Variants in TKFC observed in about 807,000 individuals in gnomAD.
TKFC encodes the protein triokinase/FMN cyclase.
Under a neutral mutation model 61.0 loss-of-function variants are expected in TKFC, and 46 were observed. The ratio of observed to expected loss-of-function variants is 0.75; its 90% CI spans 0.60 to 0.96. The LOEUF (loss-of-function observed/expected upper bound fraction) is 0.96. TKFC is among the 50% of genes least tolerant of loss of function. The probability of loss-of-function intolerance (pLI) is 0.00; values close to 1 mark genes in which losing one functional copy is unlikely to be tolerated. For missense variants in TKFC, 715 were observed against 777.5 expected, an observed-to-expected ratio of 0.92 and a Z score of 0.96; for synonymous variants, 314 against 330.1, an observed-to-expected ratio of 0.95 and a Z score of 0.53.
In TKFC at chr11:61,338,955, C is replaced by G. The variant is rs892146094; in HGVS notation, c.194-111C>G. On this transcript the variant is annotated intron_variant, in intron 3 of 17. Transcript: ENST00000394900. ...TGAAGACCTGGGGGATCTTTGAGCA[C>G]CAAGCACACAGTAGGGCTCACCAAA... is the stretch of plus-strand genomic sequence containing the variant. 9 of 893,510 alleles carry G rather than the reference C, an allele frequency of 1.0e-5. No homozygotes were observed. In the Admixed American group the frequency reaches 1.5e-4, roughly 15 times the overall value. The allele number at this position is 893,510 out of a possible 1,614,324, so 55.3% of individuals were successfully genotyped here. A position where few individuals can be genotyped will look rare whatever the true frequency, so the allele number is the denominator to read the frequency against.
At chr11:61,352,972 C>G, downstream of TKFC, 3 of 1,614,092 alleles carry the variant, frequency 1.9e-6, no homozygotes, top group Non-Finnish European at 1.7e-6. Context: ...GTTGGGGACC[C>G]CACTGCACTC....
downstream of TKFC, chr11:61,349,887 G>A (rs544280972): frequency 1.1e-4 from 57 of 536,882 alleles, no homozygotes; most frequent in South Asian, 1.1e-3. Flanking sequence ...TGGGGGAAGT[G>A]GACGGACACC....
intron 2 of TKFC, among the ~76,000 whole-genome samples, chr11:61,336,605 G>T (rs1323170975): frequency 6.6e-6 from 1 of 152,178 alleles, no homozygotes; most frequent in Non-Finnish European, 1.5e-5. Flanking sequence ...AAGAATTTTA[G>T]CTCCCGACAA....
Position 61,339,088 on chromosome 11 carries a change from G to T in TKFC, c.216G>T (p.Leu72=). 6.2e-7 allele frequency: 1 copy of T among 1,613,536 alleles called. No homozygotes were observed. Among genetic ancestry groups the T allele is most frequent in the Admixed American group, 1.7e-5 (1 of 60,022 alleles). The part of the protein sequence containing the change: ...AHAGFIGKGM[L]TGVIAGAVFT... Reference sequence around the variant, plus strand: ...CAGGTTTCATAGGGAAGGGGATGCTGACTGGGGTCATCGCGGGAGCTGTGT... The same window carrying T: ...CAGGTTTCATAGGGAAGGGGATGCTTACTGGGGTCATCGCGGGAGCTGTGT... Residue 72 remains leucine, a synonymous_variant, in exon 4 of 18, where the codon CTG becomes CTT. Transcript: ENST00000394900.
intron 11 of TKFC, 161 bp from the exon 12 acceptor site, chr11:61,343,695 C>T: frequency 1.8e-6 from 2 of 1,127,684 alleles, no homozygotes; most frequent in Non-Finnish European, 2.5e-6. Context: ...CTCCATACCC[C>T]TGTATACAGT....
chr11:61,334,588 TC>T (rs1856523811), intron 1 of TKFC, 31 bp from the exon 2 acceptor site: 1 of 1,105,062 alleles, frequency 9.0e-7, no homozygotes, highest in Non-Finnish European at 1.3e-6. Flanking sequence ...GCGAGTTCCT[TC>T]CGCAGCTTGT....
At chr11:61,345,389 G>A (rs760464510) in intron 14 of TKFC, 23 bp downstream of exon 14, 3 of 1,598,698 alleles carry the variant, frequency 1.9e-6, no homozygotes, top group Non-Finnish European at 2.6e-6. Context: ...GGGCTGAAGG[G>A]CTGACAGGGA....
At chr11:61,341,762 C>G in intron 6 of TKFC, 61 bp from the exon 7 acceptor site, 1 of 1,505,064 alleles carries the variant, frequency 6.6e-7, no homozygotes. Context: ...CTGCTGCCAC[C>G]CTTCCTGATG....
Position 61,341,904 on chromosome 11 carries a change from T to C in TKFC, c.647T>C (p.Leu216Pro), listed in dbSNP as rs1776492009. ...GAGCTCTCAGCCGACGAGGTGGAGC[T>C]GGGCCTGGGTAAGCTTGTGGCCATC... is the stretch of plus-strand genomic sequence containing the variant. ...TFELSADEVE[L>P]GLGIHGEAGV... The change falls in exon 7 of 18, where the codon CTG (leucine) becomes CCG (proline). Residue 216 changes from leucine (L) to proline (P), a missense_variant. Coordinates refer to ENST00000394900, the MANE Select transcript of TKFC (RefSeq NM_015533.4). The C allele has an allele frequency of 1.2e-6, 2 of 1,612,484 alleles. No homozygotes were observed. Among genetic ancestry groups the C allele is most frequent in the South Asian group, 2.2e-5 (2 of 90,950 alleles).
intron 2 of TKFC, among the ~76,000 whole-genome samples, chr11:61,337,520 G>C (rs893143689): frequency 1.1e-4 from 17 of 152,162 alleles, no homozygotes; most frequent in African/African-American, 4.1e-4. Flanking sequence ...CCCCGCGTTG[G>C]AGCACCAGGG....
intron 14 of TKFC, 35 bp downstream of exon 14, chr11:61,345,401 GTGGC>G: frequency 6.3e-7 from 1 of 1,597,880 alleles, no homozygotes; most frequent in South Asian, 1.1e-5. Context: ...TGACAGGGAG[GTGGC>G]TGGGCTGGCT....
chr11:61,342,024 A>T, intron 7 of TKFC, 112 bp downstream of exon 7: 1 of 1,063,158 alleles, frequency 9.4e-7, no homozygotes, highest in Non-Finnish European at 1.4e-6. Flanking sequence ...TGGTCTTAGT[A>T]TTTTTACCTG....
At chr11:61,343,180 C>T (rs780625519) in intron 10 of TKFC, 162 bp from the exon 11 acceptor site, 175 of 674,070 alleles carry the variant, frequency 2.6e-4, no homozygotes, top group South Asian at 9.5e-4. Flanking sequence ...CTCCAGGGAA[C>T]GTGGTCATTT....
At chr11:61,342,920 C>G in intron 10 of TKFC, 76 bp downstream of exon 10, 2 of 1,432,214 alleles carry the variant, frequency 1.4e-6, no homozygotes, top group Non-Finnish European at 2.0e-6. Flanking sequence ...TGGCAGAGAA[C>G]ACGGACTGTG....
Position 61,348,382 on chromosome 11 carries a change from T to A in TKFC, c.*1879T>A. ...CATGTGGATCTTTGGTGCCTTCCGG[T>A]TGGCCCCTCCCTAGGTCTGTGAGGG... On this transcript the variant is annotated 3_prime_UTR_variant, in exon 18 of 18. Transcript: ENST00000394900. 1 of 985,184 alleles carries A rather than the reference T, an allele frequency of 1.0e-6. No homozygotes were observed. The highest frequency in any genetic ancestry group is 1.2e-6 in the Non-Finnish European group (1 of 829,718). The allele number at this position is 985,184 out of a possible 1,614,324, so 61.0% of individuals were successfully genotyped here.
In TKFC at chr11:61,346,302, G is replaced by A. The variant is rs1857122239; in HGVS notation, c.1576-49G>A. The A allele has an allele frequency of 1.9e-6, 3 of 1,608,572 alleles. No individual in the cohort carries two copies. The highest frequency in any genetic ancestry group is 2.7e-5 in the African/African-American group (2 of 74,938). ...ACGTTCTGCCCATGGCAGGAAGGAG[G>A]CGGCCTGGTGATCTGCCCTTGAACC... is the stretch of plus-strand genomic sequence containing the variant. On this transcript the variant is annotated intron_variant, in intron 17 of 17. Coordinates refer to ENST00000394900, the MANE Select transcript of TKFC (RefSeq NM_015533.4). This position sits in a 1 kb window ranked among gnomAD's most constrained non-coding sequence, Gnocchi z 4.1.
chr11:61,337,374 G>A (rs1453120303), intron 2 of TKFC, among the ~76,000 whole-genome samples: 1 of 152,160 alleles, frequency 6.6e-6, no homozygotes, highest in Non-Finnish European at 1.5e-5. Context: ...TCAAAGTCTT[G>A]GACTCAGGCG....
rs139970979 is a variant in TKFC, at chr11:61,341,395, A to T, written c.487-41A>T. 9.8e-4 allele frequency: 1,515 copies of T among 1,548,418 alleles called. 24 individuals are homozygous for T. In the African/African-American group the frequency reaches 0.017, roughly 18 times the overall value. On this transcript the variant is annotated intron_variant, in intron 5 of 17. Coordinates refer to ENST00000394900, the MANE Select transcript of TKFC (RefSeq NM_015533.4). ...GTCTTCTACCCCACATGGTACAGTG[A>T]TACCCTCCCCCCTGGGGCTTTTACC...
chr11:61,346,209 T>C lies in TKFC; in HGVS notation c.1576-142T>C. 9.8e-6 allele frequency: 15 copies of C among 1,523,834 alleles called. No homozygotes were observed. The highest frequency in any genetic ancestry group is 1.3e-5 in the Non-Finnish European group (15 of 1,142,234). The allele number at this position is 1,523,834 out of a possible 1,614,324, so 94.4% of individuals were successfully genotyped here. ...AGTAGATGAGAAGTGACTTTCCATT[T>C]GGTGACAGAGCAGAGGGTGCTGGCA... On this transcript the variant is annotated intron_variant, in intron 17 of 17. Coordinates refer to ENST00000394900, the MANE Select transcript of TKFC (RefSeq NM_015533.4). This position sits in a 1 kb window ranked among gnomAD's most constrained non-coding sequence, Gnocchi z 4.1.
Sources: allele counts gnomAD v4.1 joint callset (sites outside exome capture counted in the v4.1 genomes callset), GRCh38; gene constraint gnomAD v4.1.1; non-coding constraint Gnocchi (gnomAD v3.1); transcripts MANE v1.5; gene names NCBI Gene and HGNC (gene_info 2026-07-23, HGNC 2026-07-21).